Variants in PPA1 observed in about 807,000 individuals in gnomAD.
The protein encoded by PPA1 is inorganic pyrophosphatase 1.
In PPA1, 23 loss-of-function variants were observed where a neutral mutation model predicts 41.8. The ratio of observed to expected loss-of-function variants is 0.55; its 90% CI spans 0.40 to 0.78. The LOEUF is 0.78. PPA1 is among the 30% of genes least tolerant of loss of function. The probability of loss-of-function intolerance (pLI) is 0.00; values close to 1 mark genes in which losing one functional copy is unlikely to be tolerated. For missense variants in PPA1, 320 were observed against 361.6 expected, an observed-to-expected ratio of 0.89 and a Z score of 0.93; for synonymous variants, 101 against 116.8, an observed-to-expected ratio of 0.86 and a Z score of 0.87.
At chr10:70,216,061 A>G (rs937790645) in intron 4 of PPA1, among the ~76,000 whole-genome samples, 8 of 152,234 alleles carry the variant, frequency 5.3e-5, no homozygotes, top group African/African-American at 1.7e-4. Flanking sequence ...AAAAAGATAA[A>G]TGAGAAGGGG....
intron 7 of PPA1, 47 bp downstream of exon 7, chr10:70,209,511 T>C (rs1447058901): frequency 6.5e-7 from 1 of 1,543,070 alleles, no homozygotes; most frequent in South Asian, 1.2e-5. Context: ...AAATTATGAG[T>C]CTCAATACAA....
At chr10:70,209,779 A>G in intron 6 of PPA1, 94 bp from the exon 7 acceptor site, 4 of 1,370,814 alleles carry the variant, frequency 2.9e-6, no homozygotes, top group Middle Eastern at 1.8e-4. Flanking sequence ...AAATAATTAT[A>G]CACTCAACAA....
chr10:70,221,381 G>C (rs1395175718), intron 2 of PPA1, among the ~76,000 whole-genome samples: 2 of 151,776 alleles, frequency 1.3e-5, no homozygotes, highest in Non-Finnish European at 2.9e-5. Context: ...AGCATCCATA[G>C]GTTTCTGCTC....
At chr10:70,220,947 TTATA>T (rs61635692) in intron 2 of PPA1, among the ~76,000 whole-genome samples, 3 of 19,384 alleles carry the variant, frequency 1.5e-4, no homozygotes, top group Non-Finnish European at 2.8e-4. Flanking sequence ...TATATATAAT[TTATA>T]TATAATATAT....
At chr10:70,204,598 C>CAATA in intron 10 of PPA1, 1 of 337,430 alleles carries the variant, frequency 3.0e-6, no homozygotes, top group Non-Finnish European at 5.4e-6. Flanking sequence ...CTTTAGTGAT[C>CAATA]TATTGCACAG....
At chr10:70,221,055 AATT>A (rs1318598982) in intron 2 of PPA1, among the ~76,000 whole-genome samples, 761 of 41,520 alleles carry the variant, frequency 0.018, 36 homozygotes, top group African/African-American at 0.038. Flanking sequence ...ATATATATAT[AATT>A]TATATATATA....
At chr10:70,221,076 ATTTT>A (rs11310336) in intron 2 of PPA1, among the ~76,000 whole-genome samples, 8 of 40,026 alleles carry the variant, frequency 2.0e-4, no homozygotes, top group South Asian at 1.2e-3. Flanking sequence ...ATATATATAT[ATTTT>A]TTTTTTTTTT....
chr10:70,216,166 A>T (rs1187000248), intron 4 of PPA1, among the ~76,000 whole-genome samples: 1 of 152,188 alleles, frequency 6.6e-6, no homozygotes, highest in Non-Finnish European at 1.5e-5. Flanking sequence ...TCCTACAAGG[A>T]TGATATATCA....
intron 2 of PPA1, 104 bp downstream of exon 2, chr10:70,230,237 A>G (rs1414938054): frequency 3.0e-6 from 4 of 1,342,592 alleles, no homozygotes; most frequent in Non-Finnish European, 4.2e-6. Context: ...CTCACAGCAC[A>G]ACGAGGCATT....
At chr10:70,233,191 C>A in intron 1 of PPA1, 73 bp downstream of exon 1, 2 of 1,469,754 alleles carry the variant, frequency 1.4e-6, no homozygotes, top group Non-Finnish European at 1.8e-6. Context: ...CGGGCCGCAC[C>A]CTCCCGGGGA....
chr10:70,221,688 C>G (rs1840171187), intron 2 of PPA1, among the ~76,000 whole-genome samples: 1 of 152,128 alleles, frequency 6.6e-6, no homozygotes, highest in Non-Finnish European at 1.5e-5. Context: ...TTTCCAGCAG[C>G]AGTACCCTAA....
At chr10:70,223,997 A>T (rs993459242) in intron 2 of PPA1, among the ~76,000 whole-genome samples, 1 of 152,202 alleles carries the variant, frequency 6.6e-6, no homozygotes, top group Non-Finnish European at 1.5e-5. Context: ...GAAGGAAGTT[A>T]AGTCTCCCTA....
chr10:70,217,459 G>A (rs1840092575), intron 4 of PPA1, among the ~76,000 whole-genome samples: 1 of 152,144 alleles, frequency 6.6e-6, no homozygotes, highest in Non-Finnish European at 1.5e-5. Context: ...ACTCTGGTCT[G>A]TCTGGTGCCA....
Position 70,228,566 on chromosome 10 carries a change from T to C in PPA1, c.123+1775A>G, listed in dbSNP as rs139244598. Among the ~76,000 whole-genome samples the C allele has an allele frequency of 5.0e-3, 768 of 152,248 alleles. 18 individuals are homozygous for C. Among genetic ancestry groups the C allele is most frequent in the African/African-American group, 9.0e-3 (375 of 41,542 alleles). On this transcript the variant is annotated intron_variant, in intron 2 of 10. Coordinates refer to ENST00000373232, the MANE Select transcript of PPA1 (RefSeq NM_021129.4). ...ATTCAAGCCAACCCAATGGGGCCAA[T>C]TGAAGAGGGAAGGATTCTGCAGTTT...
intron 6 of PPA1, among the ~76,000 whole-genome samples, chr10:70,212,284 T>C (rs949415789): frequency 3.9e-5 from 6 of 152,272 alleles, no homozygotes; most frequent in Admixed American, 2.0e-4. Flanking sequence ...TTCCAGGTTA[T>C]ATTACAATAC....
chr10:70,213,864 A>T (rs1840048809), intron 5 of PPA1, among the ~76,000 whole-genome samples: 1 of 152,228 alleles, frequency 6.6e-6, no homozygotes, highest in Non-Finnish European at 1.5e-5. Context: ...GTCATTGATT[A>T]TACTGAAGAA....
chr10:70,227,117 A>C (rs1342486080), intron 2 of PPA1, among the ~76,000 whole-genome samples: 1 of 152,220 alleles, frequency 6.6e-6, no homozygotes, highest in Non-Finnish European at 1.5e-5. Flanking sequence ...CTGGTATCTC[A>C]GAAGTTTTAT....
At chr10:70,205,002 T>C in intron 9 of PPA1, 87 bp from the exon 10 acceptor site, 1 of 1,015,754 alleles carries the variant, frequency 9.8e-7, no homozygotes, top group Non-Finnish European at 1.5e-6. Flanking sequence ...TAAGAGAATC[T>C]GAAGACTATC....
chr10:70,216,172 T>G, intron 4 of PPA1, among the ~76,000 whole-genome samples: 2 of 152,272 alleles, frequency 1.3e-5, no homozygotes, highest in Admixed American at 1.3e-4. Context: ...AAGGATGATA[T>G]ATCAAGGCTA....
Sources: allele counts gnomAD v4.1 joint callset (sites outside exome capture counted in the v4.1 genomes callset), GRCh38; gene constraint gnomAD v4.1.1; transcripts MANE v1.5; gene names NCBI Gene and HGNC (gene_info 2026-07-23, HGNC 2026-07-21).